REV3L: variants seen among roughly 807,000 people sequenced by gnomAD.
REV3L encodes DNA polymerase zeta catalytic subunit.
A neutral mutation model predicts 299.4 loss-of-function variants in REV3L; 69 were observed. The ratio of observed to expected loss-of-function variants is 0.23; its 90% confidence interval spans 0.19 to 0.28. REV3L has a LOEUF of 0.28. Ranked by LOEUF, REV3L falls within the 10% of genes least tolerant of loss-of-function variation. The pLI is 1.00. For missense variants in REV3L, 3,128 were observed against 3,693.8 expected (o/e 0.85, Z 3.97); for synonymous variants, 1,238 against 1,271.4 (o/e 0.97, Z 0.56).
chr6:111,375,582 C>G lies in REV3L; in HGVS notation c.2773G>C (p.Val925Leu). 1 of 1,613,716 alleles carries G rather than the reference C, an allele frequency of 6.2e-7. No individual in the cohort carries two copies. Among genetic ancestry groups the G allele is most frequent in the Non-Finnish European group, 8.5e-7 (1 of 1,179,894 alleles). The change falls in exon 13 of 32, where the codon GTA (valine) becomes CTA (leucine). Residue 925 changes from valine (V) to leucine (L), a missense_variant. Val to Leu is a conservative substitution (Grantham distance 32, BLOSUM62 1). Transcript: ENST00000368802. ...TCACTGTCTTCAGTCTCATAATTTACCTTGCGTTTGGCTCTAAGTGTGTAT... is the reference window on the plus strand; with the variant it reads ...TCACTGTCTTCAGTCTCATAATTTAGCTTGCGTTTGGCTCTAAGTGTGTAT... The part of the protein sequence containing the change: ...NKYTLRAKRK[V>L]NYETEDSESS...
intron 1 of REV3L, among the ~76,000 whole-genome samples, chr6:111,473,890 G>A (rs1290478877): frequency 6.6e-6 from 1 of 152,008 alleles, no homozygotes; most frequent in Non-Finnish European, 1.5e-5. Flanking sequence ...ACAAATCCCT[G>A]AGCCTGCTAT....
At chr6:111,381,203 A>G in intron 10 of REV3L, 122 bp downstream of exon 10, 1 of 955,680 alleles carries the variant, frequency 1.0e-6, no homozygotes, top group Non-Finnish European at 1.6e-6. Flanking sequence ...CATATTCAGT[A>G]GAGTGTTTAC....
At chr6:111,430,726 G>A in intron 1 of REV3L, 1 of 1,550,626 alleles carries the variant, frequency 6.4e-7, no homozygotes, top group South Asian at 1.1e-5. Flanking sequence ...ACAAAGACAT[G>A]CTTGAAGATA....
chr6:111,327,074 C>A (rs1354957426), intron 25 of REV3L, among the ~76,000 whole-genome samples: 1 of 152,208 alleles, frequency 6.6e-6, no homozygotes, highest in Non-Finnish European at 1.5e-5. Flanking sequence ...AAAGCAGCAA[C>A]GTACTCCCTG....
chr6:111,391,573 G>T, intron 5 of REV3L, among the ~76,000 whole-genome samples: 1 of 152,204 alleles, frequency 6.6e-6, no homozygotes, highest in East Asian at 1.9e-4. Context: ...TGATAGAGAA[G>T]GAATATAATT....
intron 1 of REV3L, among the ~76,000 whole-genome samples, chr6:111,476,595 A>G (rs1300322774): frequency 6.6e-6 from 1 of 152,196 alleles, no homozygotes; most frequent in Non-Finnish European, 1.5e-5. Context: ...TGCTCAACCT[A>G]TATTAAGCTC....
intron 10 of REV3L, 146 bp from the exon 11 acceptor site, chr6:111,380,365 T>G (rs894037966): frequency 1.2e-5 from 7 of 605,626 alleles, no homozygotes; most frequent in Non-Finnish European, 2.0e-5. Context: ...GTTCATGCCA[T>G]TCTCCTGCCT....
intron 4 of REV3L, among the ~76,000 whole-genome samples, chr6:111,402,049 G>A (rs1420738893): frequency 6.6e-6 from 1 of 152,162 alleles, no homozygotes; most frequent in Non-Finnish European, 1.5e-5. Context: ...AGGAGGTGGA[G>A]GTTGCAGTGA....
At chr6:111,462,349 G>T (rs549518356) in intron 1 of REV3L, among the ~76,000 whole-genome samples, 1 of 152,178 alleles carries the variant, frequency 6.6e-6, no homozygotes, top group African/African-American at 2.4e-5. Context: ...ACAAGGCAAA[G>T]AAGATTTCAG....
intron 1 of REV3L, among the ~76,000 whole-genome samples, chr6:111,421,407 C>A (rs1031818194): frequency 6.6e-6 from 1 of 152,132 alleles, no homozygotes; most frequent in Non-Finnish European, 1.5e-5. Flanking sequence ...ATGGGACATG[C>A]TGTATCTGAC....
At chr6:111,306,701 C>T (rs1772345824) in intron 31 of REV3L, among the ~76,000 whole-genome samples, 1 of 152,190 alleles carries the variant, frequency 6.6e-6, no homozygotes, top group Non-Finnish European at 1.5e-5. Context: ...ATGACTCAAT[C>T]ATGCCATTAA....
At chr6:111,479,636 A>G (rs1352556763) in intron 1 of REV3L, among the ~76,000 whole-genome samples, 4 of 151,648 alleles carry the variant, frequency 2.6e-5, no homozygotes, top group Non-Finnish European at 4.4e-5. Context: ...CAGCTTTCCA[A>G]ATAGCTAGTA....
At chr6:111,341,070 T>C (rs1197863976) in intron 21 of REV3L, among the ~76,000 whole-genome samples, 1 of 150,298 alleles carries the variant, frequency 6.7e-6, no homozygotes, top group East Asian at 1.9e-4. Context: ...GGAGTCTTGC[T>C]GTGTCGCCCA....
At chr6:111,301,211 GGTT>G (rs1771482439) in intron 31 of REV3L, among the ~76,000 whole-genome samples, 1 of 152,172 alleles carries the variant, frequency 6.6e-6, no homozygotes, top group African/African-American at 2.4e-5. Context: ...TAGTCAGACT[GGTT>G]GTCTGATCAC....
intron 3 of REV3L, among the ~76,000 whole-genome samples, chr6:111,408,509 C>A (rs1393635878): frequency 6.6e-6 from 1 of 152,070 alleles, no homozygotes; most frequent in Non-Finnish European, 1.5e-5. Flanking sequence ...GAGGCTGAGG[C>A]AGGAGAATTG....
At position 111,333,117 on chromosome 6, in the gene REV3L, C is replaced by A. The variant is rs761329078; in HGVS notation, c.7925+6G>T. On this transcript the variant is annotated splice_donor_region_variant and intron_variant, in intron 23 of 31. Coordinates refer to ENST00000368802, the MANE Select transcript of REV3L (RefSeq NM_001372078.1). ...AATATTATTGTAAATGTGAAAAAAA[C>A]CTTACTTTCCCAAGTTCTCCACATG... 8.7e-5 allele frequency: 140 copies of A among 1,611,898 alleles called. 5 individuals carry two copies. In the South Asian group the frequency reaches 1.4e-3, roughly 16 times the overall value.
Position 111,367,641 on chromosome 6 carries a change from C to G in REV3L, c.6147G>C (p.Val2049=). The G allele has an allele frequency of 6.2e-7, 1 of 1,614,146 alleles. No homozygotes were observed. Among genetic ancestry groups the G allele is most frequent in the South Asian group, 1.1e-5 (1 of 91,082 alleles). ...SSVNPDDKPV[V]PPKMDVSPCI... ...ATGGACTTACATCCATTTTTGGAGG[C>G]ACTACAGGTTTGTCATCTGGGTTAA... is the stretch of plus-strand genomic sequence containing the variant. Residue 2049 remains valine, a synonymous_variant, in exon 14 of 32, where the codon GTG becomes GTC. Transcript: ENST00000368802.
chr6:111,476,930 G>T (rs1388319114), intron 1 of REV3L, among the ~76,000 whole-genome samples: 1 of 151,846 alleles, frequency 6.6e-6, no homozygotes, highest in Admixed American at 6.6e-5. Flanking sequence ...TTTTGTACAT[G>T]GTTTTTTTAA....
intron 21 of REV3L, 126 bp from the exon 22 acceptor site, chr6:111,335,736 G>A (rs1775832061): frequency 1.7e-5 from 15 of 872,232 alleles, no homozygotes; most frequent in Middle Eastern, 4.6e-4. Context: ...GTAATGATAT[G>A]AGCCTTTAAG....
Sources: gnomAD v4.1 joint callset for allele counts (sites outside exome capture counted in the v4.1 genomes callset) on GRCh38, gnomAD v4.1.1 for gene constraint, MANE v1.5 for transcripts, NCBI Gene and HGNC (gene_info 2026-07-23, HGNC 2026-07-21) for gene names.